The following NIBAN3 variants were observed in gnomAD, a reference collection of about 807,000 sequenced individuals.
The protein encoded by NIBAN3 is protein Niban 3.
NIBAN3 carries 66 observed loss-of-function variants against 76.4 expected under a neutral mutation model. The ratio of observed to expected loss-of-function variants is 0.86; its 90% CI spans 0.71 to 1.06. The LOEUF (loss-of-function observed/expected upper bound fraction) is 1.06. Ranked by LOEUF, NIBAN3 falls within the 50% of genes least tolerant of loss-of-function variation. NIBAN3 has a pLI of 0.00. For missense variants in NIBAN3, 808 were observed against 810.7 expected (o/e 1.00, Z 0.04); for synonymous variants, 360 against 355.2 (o/e 1.01, Z -0.15).
At chr19:17,537,996 G>A (rs184555880) in intron 5 of NIBAN3, among the ~76,000 whole-genome samples, 108 of 151,876 alleles carry the variant, frequency 7.1e-4, no homozygotes, top group African/African-American at 2.5e-3. Context: ...GAGCCAGAAG[G>A]GACACCAGGC....
rs771513316 is a variant in NIBAN3, at chr19:17,532,295, C to G, written c.219C>G (p.Pro73=). 6.2e-7 allele frequency: 1 copy of G among 1,613,982 alleles called. No individual in the cohort carries two copies. Among genetic ancestry groups the G allele is most frequent in the Non-Finnish European group, 8.5e-7 (1 of 1,179,952 alleles). ...CCCGAGTCCGTGAGCACCGAGGACC[C>G]CTGACCCAGCTTCGGGGCCACCCAC... ...KLPRVREHRG[P]LTQLRGHPPR... is the part of the protein sequence containing the mutation. The change falls in exon 3 of 15, where the codon CCC becomes CCG. Residue 73 remains proline (P), a synonymous_variant. Coordinates refer to ENST00000599164, the MANE Select transcript of NIBAN3 (RefSeq NM_001321827.2).
chr19:17,549,932 T>G, intron 14 of NIBAN3: 1 of 368,366 alleles, frequency 2.7e-6, no homozygotes, highest in Non-Finnish European at 4.9e-6. Context: ...ATCTCCTGCC[T>G]CAGCCTCCCG....
rs150335125 is a variant in NIBAN3 at position 17,537,603 on chromosome 19, G to A, written c.595+60G>A. The stretch of plus-strand genomic sequence containing the variant: ...TAATGGTCTGGGGTCAGATGGCTCA[G>A]CCTCTGTTGGCTCGGGACCTCTCCA... On this transcript the variant is annotated intron_variant, in intron 5 of 14. Coordinates refer to ENST00000599164, the MANE Select transcript of NIBAN3 (RefSeq NM_001321827.2). 1.0e-3 allele frequency: 1,493 copies of A among 1,471,942 alleles called. 12 individuals carry two copies. The African/African-American group carries it at 0.019, about 19-fold the overall frequency. The allele number at this position is 1,471,942 out of a possible 1,614,324, so 91.2% of individuals were successfully genotyped here.
intron 8 of NIBAN3, chr19:17,540,100 G>T (rs1260959836): frequency 2.7e-6 from 1 of 364,200 alleles, no homozygotes; most frequent in Non-Finnish European, 4.9e-6. Flanking sequence ...AGGAGTTGAG[G>T]CCCAGAGCCG....
intron 1 of NIBAN3, among the ~76,000 whole-genome samples, chr19:17,527,599 T>G (rs1191976585): frequency 6.6e-6 from 1 of 152,110 alleles, no homozygotes; most frequent in Non-Finnish European, 1.5e-5. Context: ...CAAGCTGGAG[T>G]GCCGTGGTAT....
chr19:17,547,754 G>A (rs985007912), intron 13 of NIBAN3, among the ~76,000 whole-genome samples: 10 of 151,810 alleles, frequency 6.6e-5, no homozygotes, highest in East Asian at 1.9e-4. Context: ...TGCAACCTCC[G>A]CCTCCTGGGT....
intron 14 of NIBAN3, 86 bp from the exon 15 acceptor site, chr19:17,551,700 A>G (rs2076159254): frequency 1.6e-6 from 1 of 633,784 alleles, no homozygotes; most frequent in Admixed American, 2.2e-5. Flanking sequence ...CAACATCTCT[A>G]TTAACTCTGA....
chr19:17,538,189 G>A (rs943179737), intron 5 of NIBAN3, among the ~76,000 whole-genome samples: 8 of 152,058 alleles, frequency 5.3e-5, no homozygotes, highest in Non-Finnish European at 8.8e-5. Context: ...GGCCGAGGCG[G>A]GAGGATCACG....
upstream of NIBAN3, among the ~76,000 whole-genome samples, chr19:17,524,281 T>C (rs1051508975): frequency 6.6e-5 from 10 of 151,604 alleles, no homozygotes; most frequent in Admixed American, 5.9e-4. Flanking sequence ...CATCATCTGA[T>C]GGTTTTCTTT....
At chr19:17,539,920 T>C (rs1416698695) in intron 8 of NIBAN3, among the ~76,000 whole-genome samples, 155 bp downstream of exon 8, 3 of 30,678 alleles carry the variant, frequency 9.8e-5, no homozygotes, top group South Asian at 1.1e-3. Flanking sequence ...AGGGAACGGG[T>C]GGGGAAGGGG....
At chr19:17,541,934 T>G (rs1341324182) in intron 9 of NIBAN3, among the ~76,000 whole-genome samples, 1 of 152,054 alleles carries the variant, frequency 6.6e-6, no homozygotes, top group African/African-American at 2.4e-5. Flanking sequence ...TCCACCCACC[T>G]CGGCCTCCCA....
chr19:17,530,803 A>T lies in NIBAN3; in HGVS notation c.104A>T (p.Gln35Leu), dbSNP rs760918659. The T allele has an allele frequency of 6.2e-7, 1 of 1,613,302 alleles. No homozygotes were observed. Among genetic ancestry groups the T allele is most frequent in the African/African-American group, 1.3e-5 (1 of 74,894 alleles). Residue 35 changes from glutamine to leucine, a missense_variant, in exon 2 of 15, where the codon CAG (glutamine) becomes CTG (leucine). Transcript: ENST00000599164. ...AACTTCCTGCCTTGCTACCGTGGGC[A>T]GCTGGCAGCGTCTGTCCTGCGGCAG... The part of the protein sequence containing the change: ...LRNFLPCYRG[Q>L]LAASVLRQIS...
chr19:17,527,499 G>A lies in NIBAN3; in HGVS notation c.55+104G>A, dbSNP rs984337747. ...GCAGATGGGGTTCGGTTCAGACCTAGGGCTGTCAAAACACACAGGATGCCT... is the reference window on the plus strand; with the variant it reads ...GCAGATGGGGTTCGGTTCAGACCTAAGGCTGTCAAAACACACAGGATGCCT... On this transcript the variant is annotated intron_variant, in intron 1 of 14. Coordinates refer to ENST00000599164, the MANE Select transcript of NIBAN3 (RefSeq NM_001321827.2). 3.4e-5 allele frequency: 42 copies of A among 1,250,598 alleles called. No individual in the cohort carries two copies. In the African/African-American group the frequency reaches 6.4e-4, roughly 19 times the overall value. 77.5% of individuals were successfully genotyped at this position (1,250,598 alleles called of 1,614,324 possible).
At position 17,549,587 on chromosome 19, in the gene NIBAN3, G is replaced by A. The variant is rs751224690; in HGVS notation, c.1750+60G>A. On this transcript the variant is annotated intron_variant, in intron 14 of 14. Transcript: ENST00000599164. ...TGATTGCTGGGGGTGGGGAGGTGGA[G>A]GCCCACATGGGGTGTATGGGATTGT... 267 of 1,272,390 alleles carry A rather than the reference G, an allele frequency of 2.1e-4. 1 individual carries two copies. Among genetic ancestry groups the A allele is most frequent in the Non-Finnish European group, 2.9e-4 (249 of 868,408 alleles). The allele number at this position is 1,272,390 out of a possible 1,614,324, so 78.8% of individuals were successfully genotyped here. A position where few individuals can be genotyped will look rare whatever the true frequency, so the allele number is the denominator to read the frequency against.
chr19:17,530,627 C>A, intron 1 of NIBAN3, 128 bp from the exon 2 acceptor site: 1 of 759,312 alleles, frequency 1.3e-6, no homozygotes, highest in Non-Finnish European at 1.9e-6. Context: ...AATTTGGTGA[C>A]AACTTGTCTG....
intron 3 of NIBAN3, among the ~76,000 whole-genome samples, chr19:17,533,010 C>T (rs571170758): frequency 3.7e-4 from 56 of 152,194 alleles, no homozygotes; most frequent in African/African-American, 1.2e-3. Flanking sequence ...TCGTGGCTCA[C>T]GCCTATAATC....
chr19:17,538,860 G>A (rs1266289347), intron 5 of NIBAN3, among the ~76,000 whole-genome samples: 1 of 152,232 alleles, frequency 6.6e-6, no homozygotes, highest in Non-Finnish European at 1.5e-5. Flanking sequence ...TGGGCAGGTT[G>A]TTGACTGCAC....
chr19:17,533,559 A>G (rs779135011), intron 3 of NIBAN3, 28 bp from the exon 4 acceptor site: 8 of 1,512,266 alleles, frequency 5.3e-6, no homozygotes, highest in Admixed American at 1.7e-5. Context: ...GACCTGTCCC[A>G]GGTTGGTTCT....
intron 5 of NIBAN3, among the ~76,000 whole-genome samples, chr19:17,538,894 C>A (rs1220460184): frequency 1.3e-5 from 2 of 152,202 alleles, no homozygotes; most frequent in Admixed American, 1.3e-4. Flanking sequence ...AGAGGAACAG[C>A]TAGTGGCTGC....
Sources: allele counts gnomAD v4.1 joint callset (sites outside exome capture counted in the v4.1 genomes callset), GRCh38; gene constraint gnomAD v4.1.1; transcripts MANE v1.5; gene names NCBI Gene and HGNC (gene_info 2026-07-23, HGNC 2026-07-21).